Variants in RORA observed in about 807,000 individuals in gnomAD.
RORA encodes the protein RAR related orphan receptor A, also known as nuclear receptor ROR-alpha.
A neutral mutation model predicts 69.5 loss-of-function variants in RORA; 7 were observed. The observed-to-expected ratio is 0.10, with a 90% CI of 0.06 to 0.19. The LOEUF is 0.19. Among genes scored for constraint, RORA ranks in the 10% least tolerant of loss-of-function variants. The pLI is 1.00. For synonymous variants in RORA, 261 were observed against 240.8 expected (o/e 1.08, Z -0.78); for missense variants, 457 against 663.0 (o/e 0.69, Z 3.41).
intron 1 of RORA, chr15:60,706,491 T>A (rs1432016206): frequency 6.6e-6 from 1 of 152,174 alleles, no homozygotes; most frequent in African/African-American, 2.4e-5. Context: ...GATTGAATAA[T>A]CTGTTTTGGT....
At chr15:60,748,240 T>C (rs555775133) in intron 1 of RORA, among the ~76,000 whole-genome samples, 2 of 150,814 alleles carry the variant, frequency 1.3e-5, no homozygotes, top group East Asian at 3.9e-4. Flanking sequence ...TGTGTGCACA[T>C]CTATATCATA....
intron 1 of RORA, among the ~76,000 whole-genome samples, chr15:61,129,372 A>G (rs1343224730): frequency 1.3e-5 from 2 of 152,198 alleles, no homozygotes; most frequent in Non-Finnish European, 2.9e-5. Context: ...TAATGATTCC[A>G]TTTATACGGA....
intron 1 of RORA, among the ~76,000 whole-genome samples, chr15:60,838,578 A>G (rs183280506): frequency 5.9e-5 from 9 of 152,262 alleles, no homozygotes; most frequent in Admixed American, 5.9e-4. Context: ...TTTAGAAAAA[A>G]AAGTGGCAGA....
chr15:60,582,198 T>G (rs1399369906), intron 2 of RORA, among the ~76,000 whole-genome samples: 1 of 152,212 alleles, frequency 6.6e-6, no homozygotes, highest in African/African-American at 2.4e-5. Context: ...TTAAATTTAT[T>G]TAAATAGCAT....
At chr15:61,178,858 T>G (rs188232067) in intron 1 of RORA, among the ~76,000 whole-genome samples, 1 of 152,218 alleles carries the variant, frequency 6.6e-6, no homozygotes, top group Non-Finnish European at 1.5e-5. Flanking sequence ...GCTAACCATA[T>G]AGACTATACC....
chr15:60,497,787 G>C (rs906871386), intron 10 of RORA, among the ~76,000 whole-genome samples, 168 bp from the exon 11 acceptor site: 1 of 152,068 alleles, frequency 6.6e-6, no homozygotes, highest in African/African-American at 2.4e-5. Flanking sequence ...GGCTGGGCGC[G>C]GTGGCTCATG....
intron 2 of RORA, among the ~76,000 whole-genome samples, chr15:60,548,203 C>T (rs1024000984): frequency 1.3e-5 from 2 of 152,116 alleles, no homozygotes; most frequent in Non-Finnish European, 2.9e-5. Context: ...AAGTAGTCGT[C>T]GGCATGGTTT....
At chr15:60,857,178 A>T (rs16943225) in intron 1 of RORA, among the ~76,000 whole-genome samples, 40,578 of 152,004 alleles carry the variant, frequency 0.27, 5,639 homozygotes, top group Non-Finnish European at 0.29. Context: ...ATGGTGGGAC[A>T]AGGGCTATGA....
At chr15:60,500,842 G>A (rs1318672452) in intron 9 of RORA, 117 bp downstream of exon 9, 3 of 577,280 alleles carry the variant, frequency 5.2e-6, no homozygotes, top group East Asian at 2.9e-5. Context: ...TAATAAGGGT[G>A]GAGACCTCTC....
chr15:60,592,801 G>T (rs1462873017), intron 2 of RORA: 108 of 646,472 alleles, frequency 1.7e-4, no homozygotes, highest in Non-Finnish European at 4.8e-6. Context: ...CTCGCCTTCG[G>T]GATCACCTGT....
At chr15:60,963,116 G>A (rs761163977) in intron 1 of RORA, among the ~76,000 whole-genome samples, 4 of 152,214 alleles carry the variant, frequency 2.6e-5, no homozygotes, top group Admixed American at 1.3e-4. Context: ...GGTACATAGC[G>A]TAATTCTCAA....
intron 1 of RORA, among the ~76,000 whole-genome samples, chr15:60,983,506 G>A (rs28503256): frequency 0.21 from 32,411 of 152,016 alleles, 3,701 homozygotes; most frequent in African/African-American, 0.27. Context: ...TAAGAGTCTG[G>A]CACCTTTTAA....
At chr15:60,909,292 G>C (rs1891632594) in intron 1 of RORA, among the ~76,000 whole-genome samples, 1 of 152,196 alleles carries the variant, frequency 6.6e-6, no homozygotes, top group Non-Finnish European at 1.5e-5. Flanking sequence ...ACTCCCAGCT[G>C]AGCTGAGCTG....
At chr15:60,889,189 C>T (rs1366408607) in intron 1 of RORA, among the ~76,000 whole-genome samples, 1 of 152,174 alleles carries the variant, frequency 6.6e-6, no homozygotes, top group East Asian at 1.9e-4. Context: ...TTGAACTCCT[C>T]GAGGCAGGAA....
At chr15:61,059,956 G>A (rs1432486464) in intron 1 of RORA, among the ~76,000 whole-genome samples, 2 of 136,728 alleles carry the variant, frequency 1.5e-5, no homozygotes, top group Admixed American at 1.5e-4. Flanking sequence ...AGAAGAAGAA[G>A]AAGAAGAGGA....
At chr15:60,962,714 T>C (rs943473533) in intron 1 of RORA, among the ~76,000 whole-genome samples, 1 of 152,142 alleles carries the variant, frequency 6.6e-6, no homozygotes, top group African/African-American at 2.4e-5. Context: ...TCACTGAAAA[T>C]CATGGTCCCC....
intron 5 of RORA, among the ~76,000 whole-genome samples, chr15:60,510,873 A>AT (rs113383793): frequency 8.7e-4 from 129 of 147,876 alleles, no homozygotes; most frequent in Middle Eastern, 3.6e-3. Flanking sequence ...GTGGACTGCC[A>AT]TTTTTTTTTT....
intron 1 of RORA, among the ~76,000 whole-genome samples, chr15:61,004,768 G>A (rs1050094559): frequency 1.3e-5 from 2 of 152,060 alleles, no homozygotes; most frequent in Non-Finnish European, 2.9e-5. Flanking sequence ...CGTTGCCACG[G>A]TTAGATTTTT....
chr15:61,102,667 G>C (rs573755960), intron 1 of RORA, among the ~76,000 whole-genome samples: 1 of 152,136 alleles, frequency 6.6e-6, no homozygotes, highest in Non-Finnish European at 1.5e-5. Flanking sequence ...ATGGATCCCC[G>C]GGCTGGTGCG....
Sources: allele counts gnomAD v4.1 joint callset (sites outside exome capture counted in the v4.1 genomes callset), GRCh38; gene constraint gnomAD v4.1.1; transcripts MANE v1.5; gene names NCBI Gene and HGNC (gene_info 2026-07-23, HGNC 2026-07-21).